Variants in SHISA9 observed in about 807,000 individuals in gnomAD.
The protein encoded by SHISA9 is shisa family member 9.
Under a neutral mutation model 38.0 loss-of-function variants are expected in SHISA9, and 13 were observed. The ratio of observed to expected loss-of-function variants is 0.34; its 90% CI spans 0.22 to 0.54. SHISA9 has a LOEUF of 0.54. SHISA9 is among the 20% of genes least tolerant of loss of function. The pLI is 0.91. For synonymous variants in SHISA9, 275 were observed against 242.0 expected (o/e 1.14, Z -1.27); for missense variants, 538 against 575.8 (o/e 0.93, Z 0.67).
chr16:13,051,289 C>G (rs928238566), intron 2 of SHISA9, among the ~76,000 whole-genome samples: 2 of 152,150 alleles, frequency 1.3e-5, no homozygotes, highest in Admixed American at 1.3e-4. Flanking sequence ...AGGGGAACTC[C>G]CATTTATAAA....
chr16:13,422,421 C>A, the SHISA9 span, among the ~76,000 whole-genome samples: 1 of 152,092 alleles, frequency 6.6e-6, no homozygotes, highest in African/African-American at 2.4e-5. Flanking sequence ...TTAGGCTGGG[C>A]GTGGTGGCTC....
At chr16:12,987,449 A>G (rs1158397587) in intron 2 of SHISA9, among the ~76,000 whole-genome samples, 5 of 152,216 alleles carry the variant, frequency 3.3e-5, no homozygotes, top group Non-Finnish European at 7.3e-5. Context: ...TTGCAGGGAC[A>G]TGGATGAAGC....
At chr16:13,178,327 T>C (rs927987794) in intron 2 of SHISA9, among the ~76,000 whole-genome samples, 1 of 124,016 alleles carries the variant, frequency 8.1e-6, no homozygotes, top group African/African-American at 3.6e-5. Context: ...TCTCTCTGGG[T>C]TTTTTTTTTT....
chr16:13,286,695 T>G, the SHISA9 span, among the ~76,000 whole-genome samples: 1 of 152,198 alleles, frequency 6.6e-6, no homozygotes, highest in African/African-American at 2.4e-5. Flanking sequence ...AGAAATCTCA[T>G]TTGCAGATCA....
the SHISA9 span, among the ~76,000 whole-genome samples, chr16:13,328,001 G>A: frequency 5.3e-5 from 8 of 152,198 alleles, no homozygotes; most frequent in East Asian, 3.9e-4. Flanking sequence ...ATCTTTCATC[G>A]TACTCATAAC....
the SHISA9 span, among the ~76,000 whole-genome samples, chr16:13,371,769 A>T: frequency 2.0e-5 from 3 of 152,224 alleles, no homozygotes; most frequent in Non-Finnish European, 2.9e-5. Context: ...TACAGAATCA[A>T]TTACTATCTA....
chr16:13,340,670 C>T, the SHISA9 span, among the ~76,000 whole-genome samples: 1 of 152,220 alleles, frequency 6.6e-6, no homozygotes, highest in Non-Finnish European at 1.5e-5. Context: ...CTTCAAACAG[C>T]TCTGTGGCTC....
chr16:13,018,096 G>A (rs532126009), intron 2 of SHISA9, among the ~76,000 whole-genome samples: 17 of 152,302 alleles, frequency 1.1e-4, no homozygotes, highest in African/African-American at 3.8e-4. Context: ...CTGACCCTTG[G>A]CCCGACAGGG....
intron 2 of SHISA9, among the ~76,000 whole-genome samples, chr16:13,158,524 T>C (rs1310267411): frequency 6.6e-6 from 1 of 152,106 alleles, no homozygotes; most frequent in Non-Finnish European, 1.5e-5. Flanking sequence ...ATTGCCGCAG[T>C]GTTACTTTTC....
At chr16:13,303,314 G>A in the SHISA9 span, among the ~76,000 whole-genome samples, 1 of 152,140 alleles carries the variant, frequency 6.6e-6, no homozygotes, top group African/African-American at 2.4e-5. Context: ...GCAAAAGGAG[G>A]AAACAGCCCA....
the SHISA9 span, among the ~76,000 whole-genome samples, chr16:13,363,868 C>T: frequency 6.6e-6 from 1 of 152,134 alleles, no homozygotes; most frequent in Non-Finnish European, 1.5e-5. Context: ...AAGAGTAGTC[C>T]AAAGACCAGA....
chr16:13,251,593 C>T, the SHISA9 span, among the ~76,000 whole-genome samples: 22,608 of 152,094 alleles, frequency 0.15, 2,320 homozygotes, highest in East Asian at 0.37. Flanking sequence ...TCTTCCAGCT[C>T]CTCAGAGGGT....
At chr16:13,440,782 C>T in the SHISA9 span, among the ~76,000 whole-genome samples, 15 of 151,960 alleles carry the variant, frequency 9.9e-5, no homozygotes, top group Non-Finnish European at 1.9e-4. Flanking sequence ...ATTAGCCAGG[C>T]GTGGTGGCGC....
At chr16:13,401,009 C>T in the SHISA9 span, among the ~76,000 whole-genome samples, 1 of 152,212 alleles carries the variant, frequency 6.6e-6, no homozygotes, top group African/African-American at 2.4e-5. Context: ...AAGCATGCAT[C>T]CTGGGCCCTT....
At chr16:13,241,516 G>C (rs1175627569), downstream of SHISA9, among the ~76,000 whole-genome samples, 1 of 152,028 alleles carries the variant, frequency 6.6e-6, no homozygotes, top group African/African-American at 2.4e-5. Flanking sequence ...CAAAAAAAGA[G>C]AAAAAGAAAA....
At chr16:13,227,168 C>T (rs959040747) in intron 4 of SHISA9, among the ~76,000 whole-genome samples, 1 of 152,132 alleles carries the variant, frequency 6.6e-6, no homozygotes, top group Non-Finnish European at 1.5e-5. Flanking sequence ...GATTGTCTTT[C>T]GTATTTCAAG....
the SHISA9 span, chr16:13,332,726 G>T: frequency 6.6e-6 from 1 of 152,084 alleles, no homozygotes; most frequent in Non-Finnish European, 1.5e-5. Flanking sequence ...AATTCAACAG[G>T]GTGTGACCCC....
chr16:13,369,449 T>C, the SHISA9 span, among the ~76,000 whole-genome samples: 4 of 152,232 alleles, frequency 2.6e-5, no homozygotes, highest in African/African-American at 9.7e-5. Context: ...TGATATGTGC[T>C]AAATTGGTGG....
intron 2 of SHISA9, among the ~76,000 whole-genome samples, chr16:13,019,349 T>C (rs1472779239): frequency 6.6e-6 from 1 of 152,124 alleles, no homozygotes; most frequent in East Asian, 1.9e-4. Context: ...AAGATCAAGG[T>C]TCCGGCAGAT....
Sources: gnomAD v4.1 joint callset for allele counts (sites outside exome capture counted in the v4.1 genomes callset) on GRCh38, gnomAD v4.1.1 for gene constraint, MANE v1.5 for transcripts, NCBI Gene and HGNC (gene_info 2026-07-23, HGNC 2026-07-21) for gene names.